Variants in DNPEP observed in about 807,000 individuals in gnomAD.
The protein encoded by DNPEP is aspartyl aminopeptidase.
Under a neutral mutation model 59.1 loss-of-function variants are expected in DNPEP, and 46 were observed. That is an observed-to-expected ratio of 0.78 (90% confidence interval 0.61 to 0.99). The LOEUF (loss-of-function observed/expected upper bound fraction) is 0.99. Ranked by LOEUF, DNPEP falls within the 50% of genes least tolerant of loss-of-function variation. The probability of loss-of-function intolerance (pLI) is 0.00; values close to 1 mark genes in which losing one functional copy is unlikely to be tolerated. For synonymous variants in DNPEP, 229 were observed against 242.2 expected, an observed-to-expected ratio of 0.95 and a Z score of 0.50; for missense variants, 617 against 649.9, an observed-to-expected ratio of 0.95 and a Z score of 0.55.
In DNPEP at chr2:219,385,551, T is replaced by C. The variant is rs766046795; in HGVS notation, c.667-20A>G. On this transcript the variant is annotated intron_variant, in intron 7 of 14. Coordinates refer to ENST00000273075, the MANE Select transcript of DNPEP (RefSeq NM_012100.4). ...CTCATCCTGAAGAGCAGAAAGATGC[T>C]GGGAAGAGTCCATTCCTCCTCTCCT... is the stretch of plus-strand genomic sequence containing the variant. The C allele has an allele frequency of 3.1e-6, 5 of 1,606,884 alleles. No homozygotes were observed. The highest frequency in any genetic ancestry group is 2.2e-5 in the East Asian group (1 of 44,682).
At chr2:219,389,832 C>CAATAAATAGATAAATAAATAAATA (rs1953984648), upstream of DNPEP, among the ~76,000 whole-genome samples, 1 of 142,938 alleles carries the variant, frequency 7.0e-6, no homozygotes, top group Admixed American at 7.0e-5. Context: ...GATTCTGTCT[C>CAATAAATAGATAAATAAATAAATA]AATAAATAAA....
rs79321559 is a variant in DNPEP at position 219,396,688 on chromosome 2, G to T, written c.-158+3252C>A. 6.8e-3 allele frequency among the ~76,000 whole-genome samples: 1,041 copies of T among 152,214 alleles called. 13 individuals are homozygous for T. Among genetic ancestry groups the T allele is most frequent in the African/African-American group, 0.023 (972 of 41,532 alleles). ...TATACTAAAAACAAAATTTAACTGA[G>T]TTTCCTGTATTTTCATTTGCTAAAT... On this transcript the variant is annotated intron_variant, in intron 1 of 6. Transcript: ENST00000434339.
chr2:219,387,772 C>T lies in DNPEP; in HGVS notation c.23G>A (p.Arg8His), dbSNP rs769890482. 2 of 1,604,276 alleles carry T rather than the reference C, an allele frequency of 1.2e-6. No individual in the cohort carries two copies. Among genetic ancestry groups the T allele is most frequent in the Non-Finnish European group, 1.7e-6 (2 of 1,176,100 alleles). MSGHSPTRGAMQVAMNGK... is the reference protein window; with the variant it reads MSGHSPTHGAMQVAMNGK... ...GGAGCCACTTACCTGCATGGCCCCG[C>T]GCGTGGGGCTGTGTCCGCTCATCTG... Residue 8 changes from arginine to histidine, a missense_variant, in exon 1 of 15, where the codon CGC (arginine) becomes CAC (histidine). Coordinates refer to ENST00000273075, the MANE Select transcript of DNPEP (RefSeq NM_012100.4).
upstream of DNPEP, among the ~76,000 whole-genome samples, chr2:219,389,832 C>CAATA (rs6147178): frequency 0.018 from 2,584 of 143,026 alleles, 73 homozygotes; most frequent in African/African-American, 0.063. Flanking sequence ...GATTCTGTCT[C>CAATA]AATAAATAAA....
chr2:219,382,273 C>A (rs1201107201), intron 10 of DNPEP, 134 bp from the exon 11 acceptor site: 18 of 985,684 alleles, frequency 1.8e-5, no homozygotes, highest in Middle Eastern at 6.4e-4. Context: ...ACACCCCTAA[C>A]CTGGGGTCGT....
intron 8 of DNPEP, 178 bp from the exon 9 acceptor site, chr2:219,384,621 T>C (rs1487632807): frequency 1.4e-5 from 7 of 512,114 alleles, no homozygotes. Flanking sequence ...CAGTCTGAAG[T>C]GCAATGGCTC....
intron 13 of DNPEP, among the ~76,000 whole-genome samples, chr2:219,378,820 TA>T (rs1407091681): frequency 1.3e-5 from 2 of 152,212 alleles, no homozygotes; most frequent in African/African-American, 2.4e-5. Flanking sequence ...GCCAGTCGTA[TA>T]AAAGCATAAC....
intron 11 of DNPEP, 187 bp downstream of exon 11, chr2:219,381,792 C>T: frequency 1.2e-6 from 1 of 850,764 alleles, no homozygotes; most frequent in Non-Finnish European, 1.9e-6. Context: ...TTCCACACAC[C>T]TGGGTTAGGC....
upstream of DNPEP, chr2:219,388,874 TTAC>T (rs545545022): frequency 1.2e-4 from 115 of 985,404 alleles, no homozygotes; most frequent in African/African-American, 1.9e-3. Context: ...CTATGTACTC[TTAC>T]TGTCCCCAGT....
At position 219,385,701 on chromosome 2, in the gene DNPEP, G is replaced by T; in HGVS notation, c.596C>A (p.Pro199His). ...CTCCTGGATGGCTGTGGCAAGAATG[G>T]GGACTCTGTGGGGAGACGTGGGTTG... Reference protein sequence around the residue: ...FGPNTEMHLVPILATAIQEEL... With the variant: ...FGPNTEMHLVHILATAIQEEL... Residue 199 changes from proline (P) to histidine (H), a missense_variant, in exon 7 of 15, where the codon CCC becomes CAC. Physicochemically the swap from Pro to His is moderately conservative, Grantham distance 77. Transcript: ENST00000273075. The T allele has an allele frequency of 1.2e-6, 2 of 1,602,224 alleles. No homozygotes were observed. Among genetic ancestry groups the T allele is most frequent in the East Asian group, 4.5e-5 (2 of 44,292 alleles).
At chr2:219,377,993 G>A (rs989598816) in intron 13 of DNPEP, among the ~76,000 whole-genome samples, 11 of 150,060 alleles carry the variant, frequency 7.3e-5, no homozygotes, top group Non-Finnish European at 1.2e-4. Flanking sequence ...AGTGAAAAGA[G>A]GCAACAAAAA....
chr2:219,378,865 A>G (rs1559332515), intron 13 of DNPEP, among the ~76,000 whole-genome samples: 3 of 152,192 alleles, frequency 2.0e-5, no homozygotes, highest in Non-Finnish European at 4.4e-5. Context: ...AATACCTAAG[A>G]ATAATAAATG....
chr2:219,394,750 A>G (rs898477674), intron 1 of DNPEP, among the ~76,000 whole-genome samples: 5 of 152,306 alleles, frequency 3.3e-5, no homozygotes, highest in African/African-American at 4.8e-5. Context: ...ATATTCTCAT[A>G]TATCCAATTG....
upstream of DNPEP, among the ~76,000 whole-genome samples, chr2:219,389,393 G>A (rs1462287046): frequency 1.3e-5 from 2 of 152,100 alleles, no homozygotes; most frequent in African/African-American, 4.8e-5. Flanking sequence ...TACCTGGGGT[G>A]GGGAGTGACA....
intron 11 of DNPEP, 159 bp from the exon 12 acceptor site, chr2:219,381,743 C>G (rs1953612259): frequency 1.0e-6 from 1 of 955,890 alleles, no homozygotes; most frequent in Admixed American, 2.0e-5. Flanking sequence ...CGGGCAGCCT[C>G]TAGCAATAGA....
In DNPEP at chr2:219,381,594, A is replaced by T. The variant is rs1169539792; in HGVS notation, c.1098-10T>A. 5.6e-6 allele frequency: 9 copies of T among 1,614,066 alleles called. No individual in the cohort carries two copies. The highest frequency in any genetic ancestry group is 1.3e-5 in the African/African-American group (1 of 75,018). Reference sequence around the variant, plus strand: ...CTCCTCATGCTTGTCCCTGTAAGAGACAGATAAGGGCCAGACATAGCAAAC... The same window carrying T: ...CTCCTCATGCTTGTCCCTGTAAGAGTCAGATAAGGGCCAGACATAGCAAAC... On this transcript the variant is annotated splice_polypyrimidine_tract_variant and intron_variant, in intron 11 of 14. Transcript: ENST00000273075.
intron 13 of DNPEP, among the ~76,000 whole-genome samples, chr2:219,380,625 G>A (rs548566965): frequency 6.6e-6 from 1 of 152,152 alleles, no homozygotes; most frequent in African/African-American, 2.4e-5. Context: ...TAGGAGCAAT[G>A]GGCTACACCA....
In DNPEP at chr2:219,381,338, C is replaced by CA. The variant is rs1489890135; in HGVS notation, c.1235dup (p.Gln413AlafsTer8). On this transcript the variant is annotated frameshift_variant, in exon 13 of 15. Coordinates refer to ENST00000273075, the MANE Select transcript of DNPEP (RefSeq NM_012100.4). LOFTEE classifies it high-confidence loss of function. ...CCCAGGCAGGGCCCACCCTCACCTG[C>CA]AGGGGGACCTTGACTTTGTTGGCCA... 1 of 1,613,632 alleles carries CA rather than the reference C, an allele frequency of 6.2e-7. No individual in the cohort carries two copies. The highest frequency in any genetic ancestry group is 8.5e-7 in the Non-Finnish European group (1 of 1,179,960).
upstream of DNPEP, among the ~76,000 whole-genome samples, chr2:219,391,042 C>G (rs1275068846): frequency 2.0e-5 from 3 of 152,184 alleles, no homozygotes; most frequent in African/African-American, 7.2e-5. Context: ...AAGTTTTCTA[C>G]TTTACCTACT....
Sources: allele counts gnomAD v4.1 joint callset (sites outside exome capture counted in the v4.1 genomes callset), GRCh38; gene constraint gnomAD v4.1.1; transcripts MANE v1.5; gene names NCBI Gene and HGNC (gene_info 2026-07-23, HGNC 2026-07-21).